Variants in ZFHX4 observed in about 807,000 individuals in gnomAD.
ZFHX4 encodes the protein zinc finger homeobox 4, also known as zinc finger homeobox protein 4.
In ZFHX4, 56 loss-of-function variants were observed where a neutral mutation model predicts 267.6. That is an observed-to-expected ratio of 0.21 (90% CI 0.17 to 0.26). The LOEUF (loss-of-function observed/expected upper bound fraction) is 0.26. Among genes scored for constraint, ZFHX4 ranks in the 10% least tolerant of loss-of-function variants. ZFHX4 has a pLI of 1.00. For synonymous variants in ZFHX4, 1,778 were observed against 1,665.6 expected, an observed-to-expected ratio of 1.07 and a Z score of -1.64; for missense variants, 4,332 against 4,420.0, an observed-to-expected ratio of 0.98 and a Z score of 0.56.
At chr8:76,827,185 G>C (rs903898507) in intron 4 of ZFHX4, among the ~76,000 whole-genome samples, 1 of 151,934 alleles carries the variant, frequency 6.6e-6, no homozygotes, top group South Asian at 2.1e-4. Flanking sequence ...GGATGAAACT[G>C]TTCCACCTCA....
chr8:76,816,865 G>T (rs1255138662), intron 4 of ZFHX4, among the ~76,000 whole-genome samples: 1 of 151,938 alleles, frequency 6.6e-6, no homozygotes, highest in Non-Finnish European at 1.5e-5. Context: ...CAAAATGCTG[G>T]GATTACAGGT....
intron 5 of ZFHX4, among the ~76,000 whole-genome samples, chr8:76,838,463 G>C (rs1812148103): frequency 6.6e-6 from 1 of 152,142 alleles, no homozygotes. Flanking sequence ...TTATTTCTTT[G>C]TAAGTGATAG....
intron 4 of ZFHX4, among the ~76,000 whole-genome samples, chr8:76,797,682 C>G (rs1563528246): frequency 6.6e-6 from 1 of 152,134 alleles, no homozygotes. Flanking sequence ...GTAGCATTAC[C>G]TAATCTTCAC....
Position 76,705,939 on chromosome 8 carries a change from G to A in ZFHX4, c.1851G>A (p.Lys617=). 7 of 1,613,592 alleles carry A rather than the reference G, an allele frequency of 4.3e-6. No homozygotes were observed. The highest frequency in any genetic ancestry group is 5.1e-6 in the Non-Finnish European group (6 of 1,179,830). Residue 617 remains lysine (K), a synonymous_variant, in exon 2 of 11, where the codon AAG becomes AAA. Transcript: ENST00000651372. ...CGGGCAGTGGCATCGAGTGTCCAAAGTGCGACACTGTGTTGGGGTCTTCGA... is the reference window on the plus strand; with the variant it reads ...CGGGCAGTGGCATCGAGTGTCCAAAATGCGACACTGTGTTGGGGTCTTCGA... ...GSPGSGIECP[K]CDTVLGSSRS...
In ZFHX4 at chr8:76,833,401, C is replaced by T; in HGVS notation, c.3389C>T (p.Thr1130Ile). The change falls in exon 5 of 11, where the codon ACC becomes ATC. Residue 1130 changes from threonine to isoleucine, a missense_variant. Thr to Ile is a moderately conservative substitution (Grantham distance 89). Coordinates refer to ENST00000651372, the MANE Select transcript of ZFHX4 (RefSeq NM_024721.5). ...CTTACAGAGCAGCAGTTGAGATCGA[C>T]CTCAGGTAATGGTTCCTACTCCTTC... ...DDLTEQQLRS[T>I]SEEQSEEAEG... is the part of the protein sequence containing the mutation. 1.9e-6 allele frequency: 3 copies of T among 1,605,212 alleles called. No homozygotes were observed. Among genetic ancestry groups the T allele is most frequent in the South Asian group, 1.1e-5 (1 of 89,224 alleles).
intron 4 of ZFHX4, among the ~76,000 whole-genome samples, chr8:76,813,125 T>A (rs1373221243): frequency 6.6e-6 from 1 of 152,170 alleles, no homozygotes; most frequent in Non-Finnish European, 1.5e-5. Context: ...ATAATCTTTT[T>A]AACATGCTTT....
At chr8:76,838,344 C>G (rs1812145863) in intron 5 of ZFHX4, among the ~76,000 whole-genome samples, 2 of 152,184 alleles carry the variant, frequency 1.3e-5, no homozygotes, top group African/African-American at 4.8e-5. Context: ...TGTAAGAAGA[C>G]TGTTCCCAAG....
rs1314933559 is a variant in ZFHX4, at chr8:76,854,519, T to G, written c.7598T>G (p.Met2533Arg). Residue 2533 changes from methionine (M) to arginine (R), a missense_variant, in exon 10 of 11, where the codon ATG becomes AGG. Around this residue, in one of 7 missense-constraint regions of ZFHX4, gnomAD observed 1,648 missense variants for 1,625.0 expected, o/e 1.01. Coordinates refer to ENST00000651372, the MANE Select transcript of ZFHX4 (RefSeq NM_024721.5). ...FLHSPFLERP[M>R]DMPYMIFDPN... The stretch of plus-strand genomic sequence containing the variant: ...CACTCTCCGTTCTTGGAAAGGCCCA[T>G]GGACATGCCCTACATGATATTTGAC... 2 of 1,613,896 alleles carry G rather than the reference T, an allele frequency of 1.2e-6. No homozygotes were observed. The highest frequency in any genetic ancestry group is 1.7e-6 in the Non-Finnish European group (2 of 1,179,862).
intron 3 of ZFHX4, among the ~76,000 whole-genome samples, chr8:76,747,296 A>G (rs937787479): frequency 6.6e-6 from 1 of 152,112 alleles, no homozygotes; most frequent in Non-Finnish European, 1.5e-5. Context: ...TTTTAGGTTC[A>G]GGGGGTACAT....
chr8:76,848,458 A>T (rs1812419857), intron 6 of ZFHX4, among the ~76,000 whole-genome samples: 1 of 152,186 alleles, frequency 6.6e-6, no homozygotes, highest in South Asian at 2.1e-4. Flanking sequence ...AGAGTAAATC[A>T]CTAATAGCAG....
intron 4 of ZFHX4, among the ~76,000 whole-genome samples, chr8:76,794,873 TTGTGTG>T (rs71277761): frequency 1.2e-3 from 167 of 143,158 alleles, no homozygotes; most frequent in Middle Eastern, 3.6e-3. Context: ...TGGCCTGTCA[TTGTGTG>T]TGTGTGTGTG....
In ZFHX4 at chr8:76,855,144, T is replaced by A. The variant is rs1812678178; in HGVS notation, c.8223T>A (p.Asp2741Glu). The A allele has an allele frequency of 6.2e-7, 1 of 1,613,512 alleles. No homozygotes were observed. ...DYPSLPLTKIDLSSENELAST... is the reference protein window; with the variant it reads ...DYPSLPLTKIELSSENELAST... ...CATCTTTGCCATTAACTAAAATTGA[T>A]CTATCAAGTGAGAATGAATTGGCTT... Residue 2741 changes from aspartate (D) to glutamate (E), a missense_variant, in exon 10 of 11, where the codon GAT (aspartate) becomes GAA (glutamate). Physicochemically the swap from Asp to Glu is conservative, Grantham distance 45. This residue lies in a region of ZFHX4 where 1,648 missense variants were observed against 1,625.0 expected (regional missense o/e 1.01). Coordinates refer to ENST00000651372, the MANE Select transcript of ZFHX4 (RefSeq NM_024721.5).
At chr8:76,700,494 G>A (rs925585326) in intron 1 of ZFHX4, among the ~76,000 whole-genome samples, 2 of 152,144 alleles carry the variant, frequency 1.3e-5, no homozygotes, top group Non-Finnish European at 2.9e-5. Flanking sequence ...GAATGCAAAG[G>A]AATTCTTCTA....
At chr8:76,701,366 C>T (rs1211818744) in intron 1 of ZFHX4, among the ~76,000 whole-genome samples, 1 of 152,032 alleles carries the variant, frequency 6.6e-6, no homozygotes, top group African/African-American at 2.4e-5. Flanking sequence ...AATTGATTGG[C>T]AATTTTCTGT....
chr8:76,782,100 A>ATTTTTTT (rs77420241), intron 4 of ZFHX4: 34 of 236,728 alleles, frequency 1.4e-4, no homozygotes, highest in Middle Eastern at 5.0e-4. Context: ...TCAGTTAAGA[A>ATTTTTTT]TTTTTTTTTT....
chr8:76,800,615 G>A (rs1052099175), intron 4 of ZFHX4, among the ~76,000 whole-genome samples: 1 of 152,174 alleles, frequency 6.6e-6, no homozygotes, highest in African/African-American at 2.4e-5. Context: ...AGGCCGCACT[G>A]CCTTGTCAGT....
At chr8:76,801,562 C>T (rs980415631) in intron 4 of ZFHX4, among the ~76,000 whole-genome samples, 2 of 152,124 alleles carry the variant, frequency 1.3e-5, no homozygotes, top group East Asian at 3.9e-4. Context: ...CTGCTCCTAG[C>T]CTATTGTTCT....
At position 76,705,934 on chromosome 8, in the gene ZFHX4, C is replaced by T. The variant is rs1397949913; in HGVS notation, c.1846C>T (p.Pro616Ser). 2.5e-6 allele frequency: 4 copies of T among 1,613,454 alleles called. No homozygotes were observed. In the South Asian group the frequency reaches 3.3e-5, roughly 13 times the overall value. Residue 616 changes from proline to serine, a missense_variant, in exon 2 of 11, where the codon CCA (proline) becomes TCA (serine). Transcript: ENST00000651372. The stretch of plus-strand genomic sequence containing the variant: ...CTCACCGGGCAGTGGCATCGAGTGT[C>T]CAAAGTGCGACACTGTGTTGGGGTC... ...DGSPGSGIEC[P>S]KCDTVLGSSR...
intron 1 of ZFHX4, among the ~76,000 whole-genome samples, chr8:76,693,879 G>A (rs527404740): frequency 2.6e-5 from 4 of 152,318 alleles, no homozygotes; most frequent in Admixed American, 2.6e-4. Context: ...GAAATCATGG[G>A]CAGCACTTGA....
Sources: gnomAD v4.1 joint callset for allele counts (sites outside exome capture counted in the v4.1 genomes callset) on GRCh38, gnomAD v4.1.1 for gene constraint, gnomAD v4.1.1 regional missense constraint, MANE v1.5 for transcripts, NCBI Gene and HGNC (gene_info 2026-07-23, HGNC 2026-07-21) for gene names.